NDRG2: variants seen among roughly 807,000 people sequenced by gnomAD.
The protein encoded by NDRG2 is protein NDRG2.
In NDRG2, 34 loss-of-function variants were observed where a neutral mutation model predicts 58.2. The ratio of observed to expected loss-of-function variants is 0.58; its 90% confidence interval spans 0.44 to 0.78. The LOEUF is 0.78. Among genes scored for constraint, NDRG2 ranks in the 30% least tolerant of loss-of-function variants. NDRG2 has a pLI of 0.00. For synonymous variants in NDRG2, 187 were observed against 175.9 expected, an observed-to-expected ratio of 1.06 and a Z score of -0.50; for missense variants, 434 against 471.2, an observed-to-expected ratio of 0.92 and a Z score of 0.73.
intron 1 of NDRG2, chr14:21,033,018 A>G: frequency 2.2e-6 from 1 of 454,528 alleles, no homozygotes; most frequent in South Asian, 1.6e-5. Flanking sequence ...CAGACTCTGG[A>G]GTCTGGGGGA....
chr14:21,030,382 G>T, upstream of NDRG2: 1 of 591,392 alleles, frequency 1.7e-6, no homozygotes. Flanking sequence ...GCTGGGAATG[G>T]GAGACTCATG....
chr14:21,043,565 G>A, intron 1 of NDRG2: 2 of 813,734 alleles, frequency 2.5e-6, no homozygotes, highest in South Asian at 1.8e-5. Flanking sequence ...CATCTCTTGG[G>A]GCTGTTCCTG....
At chr14:21,053,634 A>G (rs1231668235) in intron 1 of NDRG2, among the ~76,000 whole-genome samples, 1 of 152,026 alleles carries the variant, frequency 6.6e-6, no homozygotes, top group Non-Finnish European at 1.5e-5. Flanking sequence ...CTCAGAAAAA[A>G]AAAGAAAAGA....
At chr14:21,045,478 T>C (rs1434328908) in intron 1 of NDRG2, among the ~76,000 whole-genome samples, 2 of 152,224 alleles carry the variant, frequency 1.3e-5, no homozygotes, top group African/African-American at 2.4e-5. Flanking sequence ...TGAACTCTTG[T>C]GGTCAGTATA....
At chr14:21,063,718 G>T (rs144445968) in intron 1 of NDRG2, among the ~76,000 whole-genome samples, 1,773 of 152,280 alleles carry the variant, frequency 0.012, 29 homozygotes, top group African/African-American at 0.04. Flanking sequence ...ACAGGCACAG[G>T]TTATGTCTTA....
At chr14:21,043,375 A>G (rs1884999495) in intron 1 of NDRG2, 1 of 1,614,078 alleles carries the variant, frequency 6.2e-7, no homozygotes, top group Non-Finnish European at 8.5e-7. Context: ...CGACAGAACA[A>G]GTCTTACGTA....
Position 21,067,980 on chromosome 14 carries a change from C to CTTTTTTTTTT in NDRG2, c.24+2838_24+2847dup, listed in dbSNP as rs1171332473. Among the ~76,000 whole-genome samples, 18 of 22,284 alleles carry CTTTTTTTTTT rather than the reference C, an allele frequency of 8.1e-4. 6 individuals carry two copies. Among genetic ancestry groups the CTTTTTTTTTT allele is most frequent in the Non-Finnish European group, 1.9e-3 (15 of 8,104 alleles). The allele number at this position is 22,284 out of a possible 152,430, so 14.6% of individuals were successfully genotyped here. A position where few individuals can be genotyped will look rare whatever the true frequency, so the allele number is the denominator to read the frequency against. ...AGCTCAAAAACTTTCAGTGGCTCCC[C>CTTTTTTTTTT]TTTTTTTTTTTTTTTTTTTTTTTTT... On this transcript the variant is annotated intron_variant, in intron 1 of 14. Coordinates refer to the NDRG2 transcript ENST00000403829.
rs1197674608 is a variant in NDRG2, at chr14:21,016,860, C to G, written c.*736G>C. ...ACATACTACAGTGTGGTCAGAGCCC[C>G]AGGGTAGCCCTTTCCACCCTATGCC... On this transcript the variant is annotated 3_prime_UTR_variant, in exon 16 of 16. Transcript: ENST00000556147. The G allele has an allele frequency of 2.2e-6, 1 of 456,520 alleles. No homozygotes were observed. The highest frequency in any genetic ancestry group is 4.4e-6 in the Non-Finnish European group (1 of 226,788). The allele number at this position is 456,520 out of a possible 1,614,324, so 28.3% of individuals were successfully genotyped here.
intron 1 of NDRG2, among the ~76,000 whole-genome samples, chr14:21,055,950 T>C (rs1218877344): frequency 6.6e-6 from 1 of 152,132 alleles, no homozygotes; most frequent in Non-Finnish European, 1.5e-5. Flanking sequence ...GGTTCAAAAA[T>C]CAATGTTTTG....
chr14:21,033,131 G>A (rs1191857189), intron 1 of NDRG2: 1 of 382,432 alleles, frequency 2.6e-6, no homozygotes, highest in South Asian at 2.0e-5. Flanking sequence ...AAGACTGGAA[G>A]AAAAAGAGGT....
rs533213927 is a variant in NDRG2, at chr14:21,017,015, C to A, written c.*581G>T. 2.2e-6 allele frequency: 1 copy of A among 456,396 alleles called. No homozygotes were observed. The highest frequency in any genetic ancestry group is 7.0e-5 in the East Asian group (1 of 14,376). The allele number at this position is 456,396 out of a possible 1,614,324, so 28.3% of individuals were successfully genotyped here. ...CTGTTGCCCCAGCACCAATCCTTCC[C>A]CACACTCGTTCACTGCCCGCCAACT... On this transcript the variant is annotated 3_prime_UTR_variant, in exon 16 of 16. Transcript: ENST00000556147.
Position 21,017,604 on chromosome 14 carries a change from A to G in NDRG2, c.1108T>C (p.Ser370Pro). 2 of 1,613,528 alleles carry G rather than the reference A, an allele frequency of 1.2e-6. No homozygotes were observed. The highest frequency in any genetic ancestry group is 2.2e-5 in the South Asian group (2 of 90,888). Residue 370 changes from serine (S) to proline (P), a missense_variant, in exon 16 of 16, where the codon TCC becomes CCC. Ser to Pro is a moderately conservative substitution (Grantham distance 74). Coordinates refer to ENST00000556147, the MANE Select transcript of NDRG2 (RefSeq NM_001320329.2). ...AGGGCAACAAGGGCCATTCAACAGG[A>G]GACCTCCATGGTGTGCCCCGGGGGC... ...SGPPGHTMEV[S>P]C
chr14:21,043,170 A>G (rs754353671), intron 1 of NDRG2: 2 of 1,614,198 alleles, frequency 1.2e-6, no homozygotes, highest in South Asian at 2.2e-5. Context: ...AAACATTAAC[A>G]AGCACACAAA....
intron 1 of NDRG2, among the ~76,000 whole-genome samples, chr14:21,054,275 G>A (rs957581912): frequency 2.6e-5 from 4 of 152,032 alleles, no homozygotes; most frequent in African/African-American, 9.7e-5. Context: ...TCTATCTCAT[G>A]GGGATGCTGC....
Position 21,024,174 on chromosome 14 carries a change from G to A in NDRG2, c.-151C>T. On this transcript the variant is annotated 5_prime_UTR_variant, in exon 1 of 16. Transcript: ENST00000556147. ...TTCAGGGACGGAAAGCCTCAGCCAAGACCCAGACTCCCAGGGTCATCAACC... is the reference window on the plus strand; with the variant it reads ...TTCAGGGACGGAAAGCCTCAGCCAAAACCCAGACTCCCAGGGTCATCAACC... 1 of 985,392 alleles carries A rather than the reference G, an allele frequency of 1.0e-6. No individual in the cohort carries two copies. Among genetic ancestry groups the A allele is most frequent in the Non-Finnish European group, 1.2e-6 (1 of 829,944 alleles). The allele number at this position is 985,392 out of a possible 1,614,324, so 61.0% of individuals were successfully genotyped here.
At chr14:21,058,402 T>A (rs1331746979) in intron 1 of NDRG2, 1 of 1,381,594 alleles carries the variant, frequency 7.2e-7, no homozygotes, top group African/African-American at 1.4e-5. Flanking sequence ...GACTGTATGC[T>A]GCTGCTTTTC....
intron 1 of NDRG2, among the ~76,000 whole-genome samples, chr14:21,049,457 A>C (rs1461463780): frequency 6.6e-6 from 1 of 152,240 alleles, no homozygotes; most frequent in Non-Finnish European, 1.5e-5. Flanking sequence ...CTGTGGTGTG[A>C]ATTAGTACAA....
In NDRG2 at chr14:21,022,431, G is replaced by A. The variant is rs763238207; in HGVS notation, c.184C>T (p.Arg62Cys). 84 of 1,613,976 alleles carry A rather than the reference G, an allele frequency of 5.2e-5. No individual in the cohort carries two copies. Among genetic ancestry groups the A allele is most frequent in the Non-Finnish European group, 6.6e-5 (78 of 1,179,998 alleles). ...FTVYGTPKPK[R>C]PAILTYHDVG... is the part of the protein sequence containing the mutation. ...TCGTGGTAGGTAAGGATCGCTGGGC[G>A]TTTGGGTTTGGGGGTGCCATAGACA... is the stretch of plus-strand genomic sequence containing the variant. Residue 62 changes from arginine to cysteine, a missense_variant, in exon 4 of 16, where the codon CGC (arginine) becomes TGC (cysteine). Transcript: ENST00000556147.
chr14:21,061,589 G>A (rs1885965004), intron 1 of NDRG2, among the ~76,000 whole-genome samples: 1 of 152,176 alleles, frequency 6.6e-6, no homozygotes, highest in South Asian at 2.1e-4. Flanking sequence ...CTGGGCCCCT[G>A]AGAACGTGTT....
Sources: gnomAD v4.1 joint callset for allele counts (sites outside exome capture counted in the v4.1 genomes callset) on GRCh38, gnomAD v4.1.1 for gene constraint, MANE v1.5 for transcripts, NCBI Gene and HGNC (gene_info 2026-07-23, HGNC 2026-07-21) for gene names.